The following MAGI2 variants were observed in gnomAD, a reference collection of about 807,000 sequenced individuals.
MAGI2 encodes membrane-associated guanylate kinase, WW and PDZ domain-containing protein 2.
MAGI2 carries 35 observed loss-of-function variants against 133.3 expected under a neutral mutation model. The observed-to-expected ratio is 0.26, with a 90% CI of 0.20 to 0.35. The LOEUF (loss-of-function observed/expected upper bound fraction) is 0.35. Ranked by LOEUF, MAGI2 falls within the 10% of genes least tolerant of loss-of-function variation. The pLI is 1.00. For missense variants in MAGI2, 1,636 were observed against 1,863.4 expected (o/e 0.88, Z 2.25); for synonymous variants, 729 against 710.6 (o/e 1.03, Z -0.41).
chr7:79,006,437 T>G (rs1173092364), intron 2 of MAGI2, among the ~76,000 whole-genome samples: 1 of 152,188 alleles, frequency 6.6e-6, no homozygotes, highest in Admixed American at 6.5e-5. Context: ...GTCTTAAAGT[T>G]AATAGAGGAT....
At chr7:79,427,349 C>A (rs1847451807) in intron 1 of MAGI2, among the ~76,000 whole-genome samples, 1 of 152,038 alleles carries the variant, frequency 6.6e-6, no homozygotes, top group Non-Finnish European at 1.5e-5. Flanking sequence ...ACACATTCTG[C>A]ACATGTATCT....
At chr7:78,029,757 C>A (rs1437420773) in intron 21 of MAGI2, among the ~76,000 whole-genome samples, 1 of 152,250 alleles carries the variant, frequency 6.6e-6, no homozygotes, top group Non-Finnish European at 1.5e-5. Flanking sequence ...GCAGAAATCT[C>A]TACTCTGGTG....
intron 1 of MAGI2, among the ~76,000 whole-genome samples, chr7:79,015,525 T>C (rs771270817): frequency 6.6e-6 from 1 of 152,134 alleles, no homozygotes; most frequent in African/African-American, 2.4e-5. Context: ...AGAAATTCCC[T>C]GGCAAATCTC....
At chr7:79,297,802 T>C (rs112129845) in intron 1 of MAGI2, among the ~76,000 whole-genome samples, 103 of 152,332 alleles carry the variant, frequency 6.8e-4, no homozygotes, top group African/African-American at 2.3e-3. Context: ...GCAAAATGAA[T>C]GGCTGGGCAA....
At chr7:79,092,634 A>C (rs1411877793) in intron 1 of MAGI2, among the ~76,000 whole-genome samples, 1 of 152,154 alleles carries the variant, frequency 6.6e-6, no homozygotes, top group East Asian at 1.9e-4. Flanking sequence ...CCAATCTCTA[A>C]TTTTAACCAG....
Position 78,331,416 on chromosome 7 carries a change from C to T in MAGI2, c.1408+12362G>A, listed in dbSNP as rs575251310. Among the ~76,000 whole-genome samples, 15 of 152,296 alleles carry T rather than the reference C, an allele frequency of 9.8e-5. No individual in the cohort carries two copies. In the East Asian group the frequency reaches 1.7e-3, roughly 18 times the overall value. On this transcript the variant is annotated intron_variant, in intron 9 of 21. Coordinates refer to ENST00000354212, the MANE Select transcript of MAGI2 (RefSeq NM_012301.4). The stretch of plus-strand genomic sequence containing the variant: ...AGATGGCAGTCCAGATAGCAGAATC[C>T]GGTAAATCTTTGGATCTAGCTGTGC...
At chr7:79,383,613 T>C (rs540077811) in intron 1 of MAGI2, among the ~76,000 whole-genome samples, 3 of 151,720 alleles carry the variant, frequency 2.0e-5, no homozygotes, top group African/African-American at 4.8e-5. Flanking sequence ...AAATTCAAAA[T>C]TGTATTTATT....
At chr7:78,773,654 A>T (rs1212402728) in intron 2 of MAGI2, among the ~76,000 whole-genome samples, 1 of 152,210 alleles carries the variant, frequency 6.6e-6, no homozygotes, top group Non-Finnish European at 1.5e-5. Flanking sequence ...CCTTAAGGCG[A>T]GGCAGGACAG....
intron 1 of MAGI2, among the ~76,000 whole-genome samples, chr7:79,250,002 A>G (rs183378598): frequency 2.6e-4 from 40 of 152,278 alleles, no homozygotes; most frequent in African/African-American, 8.4e-4. Context: ...CAGCATATGA[A>G]AATCAATCAA....
chr7:78,367,100 A>AACACACACACACAC (rs6150177), intron 7 of MAGI2, among the ~76,000 whole-genome samples: 26,576 of 146,634 alleles, frequency 0.18, 2,570 homozygotes, highest in Non-Finnish European at 0.22. Context: ...AATGTAGGCA[A>AACACACACACACAC]ACACACACAC....
intron 1 of MAGI2, chr7:79,012,058 T>A (rs1336184186): frequency 6.6e-6 from 1 of 152,054 alleles, no homozygotes; most frequent in Non-Finnish European, 1.5e-5. Context: ...CTGCCCTTAC[T>A]TAGTCAATCA....
intron 7 of MAGI2, among the ~76,000 whole-genome samples, chr7:78,360,237 G>T (rs1051312036): frequency 5.3e-5 from 8 of 152,072 alleles, no homozygotes; most frequent in African/African-American, 1.9e-4. Flanking sequence ...TCACAGTTAT[G>T]TATCTATTAA....
intron 2 of MAGI2, among the ~76,000 whole-genome samples, chr7:78,703,956 A>C (rs1818342349): frequency 6.6e-6 from 1 of 152,076 alleles, no homozygotes; most frequent in Non-Finnish European, 1.5e-5. Flanking sequence ...GTAAAACCTG[A>C]AACTATCAAA....
chr7:79,346,920 T>C (rs1841360499), intron 1 of MAGI2, among the ~76,000 whole-genome samples: 1 of 152,038 alleles, frequency 6.6e-6, no homozygotes, highest in Non-Finnish European at 1.5e-5. Context: ...ATAATAGCTC[T>C]AATACACTAT....
chr7:78,644,260 T>C (rs1289318498), intron 2 of MAGI2, among the ~76,000 whole-genome samples: 1 of 152,102 alleles, frequency 6.6e-6, no homozygotes, highest in Non-Finnish European at 1.5e-5. Flanking sequence ...TAATAATTGA[T>C]AAAACAAGTA....
chr7:78,697,128 C>A (rs1168510000), intron 2 of MAGI2, among the ~76,000 whole-genome samples: 1 of 152,152 alleles, frequency 6.6e-6, no homozygotes, highest in Admixed American at 6.6e-5. Context: ...CTTTTCATCT[C>A]TCTAACATTT....
At chr7:78,922,327 T>A (rs952310451) in intron 2 of MAGI2, among the ~76,000 whole-genome samples, 2 of 151,974 alleles carry the variant, frequency 1.3e-5, no homozygotes, top group Admixed American at 6.6e-5. Flanking sequence ...TTTCTCCTAA[T>A]GCTATCCCTC....
intron 1 of MAGI2, among the ~76,000 whole-genome samples, chr7:79,426,062 C>G (rs1254120763): frequency 6.6e-6 from 1 of 152,114 alleles, no homozygotes; most frequent in Non-Finnish European, 1.5e-5. Context: ...TTGTCTTGAT[C>G]CCAAACTGAG....
intron 1 of MAGI2, among the ~76,000 whole-genome samples, chr7:79,282,621 A>G (rs1835737701): frequency 6.6e-6 from 1 of 152,176 alleles, no homozygotes; most frequent in Admixed American, 6.6e-5. Context: ...GGGAATAGAA[A>G]AAAATCATAA....
Sources: allele counts gnomAD v4.1 joint callset (sites outside exome capture counted in the v4.1 genomes callset), GRCh38; gene constraint gnomAD v4.1.1; transcripts MANE v1.5; gene names NCBI Gene and HGNC (gene_info 2026-07-23, HGNC 2026-07-21).